PRKCH: variants seen among roughly 807,000 people sequenced by gnomAD.
PRKCH encodes the protein protein kinase C eta type.
Under a neutral mutation model 82.5 loss-of-function variants are expected in PRKCH, and 28 were observed. That is an observed-to-expected ratio of 0.34 (90% confidence interval 0.25 to 0.47). The LOEUF (loss-of-function observed/expected upper bound fraction) is 0.47, where lower values mean the gene tolerates loss of function less well. Ranked by LOEUF, PRKCH falls within the 20% of genes least tolerant of loss-of-function variation. The probability of loss-of-function intolerance (pLI) is 1.00; values close to 1 mark genes in which losing one functional copy is unlikely to be tolerated. For synonymous variants in PRKCH, 322 were observed against 327.4 expected, an observed-to-expected ratio of 0.98 and a Z score of 0.18; for missense variants, 705 against 881.8, an observed-to-expected ratio of 0.80 and a Z score of 2.54.
intron 2 of PRKCH, among the ~76,000 whole-genome samples, chr14:61,401,070 T>A (rs1013332394): frequency 6.6e-6 from 1 of 152,186 alleles, no homozygotes; most frequent in Non-Finnish European, 1.5e-5. Context: ...TTTGGGATGA[T>A]GTCTTTTTGC....
intron 9 of PRKCH, among the ~76,000 whole-genome samples, chr14:61,474,444 A>G (rs940875248): frequency 1.1e-4 from 16 of 152,240 alleles, no homozygotes; most frequent in Admixed American, 2.0e-4. Context: ...GTGGAGATCA[A>G]TATGTAACCC....
intron 1 of PRKCH, among the ~76,000 whole-genome samples, chr14:61,230,261 C>CG (rs2044732009): frequency 6.6e-6 from 1 of 152,074 alleles, no homozygotes; most frequent in Non-Finnish European, 1.5e-5. Context: ...CATTCGGACC[C>CG]GGGGGTAGAT....
At chr14:61,233,538 G>A (rs2044761984) in intron 1 of PRKCH, among the ~76,000 whole-genome samples, 1 of 152,138 alleles carries the variant, frequency 6.6e-6, no homozygotes, top group Non-Finnish European at 1.5e-5. Context: ...ATACAATATT[G>A]AAGGATACGG....
intron 2 of PRKCH, among the ~76,000 whole-genome samples, chr14:61,416,051 TTC>T (rs1491087229): frequency 3.3e-4 from 20 of 61,272 alleles, no homozygotes; most frequent in Non-Finnish European, 4.4e-4. Context: ...TTCTTTTCTT[TTC>T]TTTTTTTTTT....
chr14:61,457,688 G>A lies in PRKCH; in HGVS notation c.1278+9G>A. 6.2e-7 allele frequency: 1 copy of A among 1,613,542 alleles called. No individual in the cohort carries two copies. The highest frequency in any genetic ancestry group is 1.1e-5 in the South Asian group (1 of 91,014). On this transcript the variant is annotated intron_variant, in intron 9 of 13. Transcript: ENST00000332981. ...GCTGCTTTCAGACCCCCGTAAGTAT[G>A]AATCACATTCACTGCACCAACAGCC...
At chr14:61,549,660 C>G in intron 13 of PRKCH, 25 bp from the exon 14 acceptor site, 4 of 1,607,118 alleles carry the variant, frequency 2.5e-6, no homozygotes, top group Non-Finnish European at 3.4e-6. Context: ...AAATCTCACC[C>G]TTGTTTCCCT....
At chr14:61,334,521 A>T (rs1436945577) in intron 1 of PRKCH, among the ~76,000 whole-genome samples, 1 of 152,144 alleles carries the variant, frequency 6.6e-6, no homozygotes, top group Non-Finnish European at 1.5e-5. Context: ...GACAAGAAGC[A>T]CACAGCCCTG....
intron 1 of PRKCH, among the ~76,000 whole-genome samples, chr14:61,225,664 C>T (rs185124320): frequency 6.6e-6 from 1 of 152,324 alleles, no homozygotes; most frequent in East Asian, 1.9e-4. Flanking sequence ...ATTTCTTCCA[C>T]TTTCAGTCAG....
At chr14:61,358,277 C>G (rs1056682091) in intron 1 of PRKCH, among the ~76,000 whole-genome samples, 18 of 152,154 alleles carry the variant, frequency 1.2e-4, no homozygotes, top group African/African-American at 3.6e-4. Context: ...CAGAATAAGA[C>G]TGGAATAAAT....
At chr14:61,315,760 T>TTA (rs1414324965) in intron 1 of PRKCH, among the ~76,000 whole-genome samples, 1 of 151,476 alleles carries the variant, frequency 6.6e-6, no homozygotes, top group East Asian at 1.9e-4. Context: ...TGGATTTTTT[T>TTA]TTTTTTTGAG....
intron 1 of PRKCH, among the ~76,000 whole-genome samples, chr14:61,239,879 A>G (rs1426937479): frequency 1.3e-5 from 2 of 152,238 alleles, no homozygotes; most frequent in Non-Finnish European, 2.9e-5. Context: ...GGTAGCATCA[A>G]GATCTGACCC....
intron 12 of PRKCH, among the ~76,000 whole-genome samples, chr14:61,532,771 G>A (rs1217716331): frequency 1.3e-5 from 2 of 152,210 alleles, no homozygotes; most frequent in African/African-American, 4.8e-5. Flanking sequence ...TCCTCCAAGA[G>A]GAAACAGCCT....
chr14:61,328,256 C>CAAAAAAAAAAAAAAAAAAAAAAAAAAA (rs71117811), intron 1 of PRKCH, among the ~76,000 whole-genome samples: 1 of 74,378 alleles, frequency 1.3e-5, no homozygotes, highest in Non-Finnish European at 2.3e-5. Context: ...GACTCCGTCT[C>CAAAAAAAAAAAAAAAAAAAAAAAAAAA]AAAAAAAAAA....
At chr14:61,397,452 G>A (rs2046803495) in intron 2 of PRKCH, among the ~76,000 whole-genome samples, 1 of 152,222 alleles carries the variant, frequency 6.6e-6, no homozygotes. Flanking sequence ...GTGGAAGACA[G>A]GCACATGGAT....
At chr14:61,432,312 C>T (rs1259527280) in intron 2 of PRKCH, among the ~76,000 whole-genome samples, 2 of 152,102 alleles carry the variant, frequency 1.3e-5, no homozygotes, top group Admixed American at 6.5e-5. Flanking sequence ...TTTCTATTTA[C>T]TTACATGTTT....
Position 61,474,560 on chromosome 14 carries a change from A to C in PRKCH, c.1279-10942A>C, listed in dbSNP as rs372298464. Among the ~76,000 whole-genome samples the C allele has an allele frequency of 1.6e-3, 243 of 151,792 alleles. No homozygotes were observed. The Middle Eastern group carries it at 0.031, about 19-fold the overall frequency. On this transcript the variant is annotated intron_variant, in intron 9 of 13. Coordinates refer to ENST00000332981, the MANE Select transcript of PRKCH (RefSeq NM_006255.5). ...ATCACACACTGGGGCCTGGCAGGGGATGGGGGGCTGGGGGAGGGATAGCAT... is the reference window on the plus strand; with the variant it reads ...ATCACACACTGGGGCCTGGCAGGGGCTGGGGGGCTGGGGGAGGGATAGCAT...
chr14:61,504,378 T>TG (rs1887048890), intron 10 of PRKCH, among the ~76,000 whole-genome samples: 1 of 152,050 alleles, frequency 6.6e-6, no homozygotes, highest in African/African-American at 2.4e-5. Flanking sequence ...TTAGTAGAGA[T>TG]GGGGTCTCAC....
In PRKCH at chr14:61,256,866, G is replaced by C. The variant is rs1313726696; in HGVS notation, c.-19+69198G>C. 2.6e-5 allele frequency among the ~76,000 whole-genome samples: 4 copies of C among 152,146 alleles called. No homozygotes were observed. The East Asian group carries it at 7.7e-4, about 29-fold the overall frequency. On this transcript the variant is annotated intron_variant, in intron 1 of 3. Transcript: ENST00000555185. ...CAATGGCTTCACTTAGCAGCCTCAAGAGAGAAAACCTGGTTTTGGTCTCAT... is the reference window on the plus strand; with the variant it reads ...CAATGGCTTCACTTAGCAGCCTCAACAGAGAAAACCTGGTTTTGGTCTCAT...
chr14:61,280,986 G>C lies in PRKCH; in HGVS notation c.-19+93318G>C. The C allele has an allele frequency of 1.3e-6, 2 of 1,542,684 alleles. No homozygotes were observed. ...GCTCCTTGATGCCGTTGGAGGAGTA[G>C]TAGAGGCCCAGGCCCAGGCCGATGA... On this transcript the variant is annotated intron_variant, in intron 1 of 3. Transcript: ENST00000555185. This position sits in a 1 kb window ranked among gnomAD's most constrained non-coding sequence, Gnocchi z 5.0.
Sources: allele counts gnomAD v4.1 joint callset (sites outside exome capture counted in the v4.1 genomes callset), GRCh38; gene constraint gnomAD v4.1.1; non-coding constraint Gnocchi (gnomAD v3.1); transcripts MANE v1.5; gene names NCBI Gene and HGNC (gene_info 2026-07-23, HGNC 2026-07-21).